ZFP91: variants seen among roughly 807,000 people sequenced by gnomAD.
ZFP91 encodes the protein E3 ubiquitin-protein ligase ZFP91.
Under a neutral mutation model 63.5 loss-of-function variants are expected in ZFP91, and 7 were observed. The ratio of observed to expected loss-of-function variants is 0.11; its 90% CI spans 0.06 to 0.21. The LOEUF is 0.21. ZFP91 is among the 10% of genes least tolerant of loss of function. The pLI, the probability that ZFP91 is intolerant of heterozygous loss-of-function variation, is 1.00. For synonymous variants in ZFP91, 330 were observed against 272.1 expected, an observed-to-expected ratio of 1.21 and a Z score of -2.10; for missense variants, 628 against 736.6, an observed-to-expected ratio of 0.85 and a Z score of 1.71.
intron 2 of ZFP91, among the ~76,000 whole-genome samples, chr11:58,596,676 C>T (rs1421477448): frequency 6.7e-6 from 1 of 150,150 alleles, no homozygotes; most frequent in East Asian, 1.9e-4. Context: ...TTTTTAAAGG[C>T]TTCACCATCA....
intron 2 of ZFP91, among the ~76,000 whole-genome samples, chr11:58,592,675 A>G (rs1855328076): frequency 6.6e-6 from 1 of 152,188 alleles, no homozygotes; most frequent in Admixed American, 6.6e-5. Flanking sequence ...AGGTGGAATG[A>G]GAAAAGGGGA....
chr11:58,603,178 T>G (rs1855518749), intron 2 of ZFP91, among the ~76,000 whole-genome samples: 1 of 152,182 alleles, frequency 6.6e-6, no homozygotes, highest in Non-Finnish European at 1.5e-5. Flanking sequence ...AGCAATGAAC[T>G]TGGATATTTA....
At position 58,616,978 on chromosome 11, in the gene ZFP91, C is replaced by T. The variant is rs535008519; in HGVS notation, c.1202+163C>T. Among the ~76,000 whole-genome samples, 5 of 151,920 alleles carry T rather than the reference C, an allele frequency of 3.3e-5. No individual in the cohort carries two copies. The East Asian group carries it at 9.7e-4, about 29-fold the overall frequency. On this transcript the variant is annotated intron_variant, in intron 10 of 10. Transcript: ENST00000316059. ...TAGTTAGTAGCCTTTTTCTTAGTTTCCCTCTGTTTTTCAGGCAAACAGAAG... is the reference window on the plus strand; with the variant it reads ...TAGTTAGTAGCCTTTTTCTTAGTTTTCCTCTGTTTTTCAGGCAAACAGAAG...
chr11:58,598,593 G>A (rs1194727198), intron 2 of ZFP91, among the ~76,000 whole-genome samples: 1 of 151,968 alleles, frequency 6.6e-6, no homozygotes, highest in Non-Finnish European at 1.5e-5. Context: ...CTCAAGGTTA[G>A]CTGCTATTAT....
At chr11:58,590,000 G>A (rs1855277785) in intron 2 of ZFP91, among the ~76,000 whole-genome samples, 1 of 152,138 alleles carries the variant, frequency 6.6e-6, no homozygotes, top group Admixed American at 6.5e-5. Context: ...ACAGTTATAA[G>A]TTTATTCTGC....
At position 58,584,962 on chromosome 11, in the gene ZFP91, A is replaced by G. The variant is rs981274914; in HGVS notation, c.370+78A>G. ...ATCTGTTAGAAAGCCTCATCATTCAAATTGGTTCCCATTTAAAAGGAATTT... is the reference window on the plus strand; with the variant it reads ...ATCTGTTAGAAAGCCTCATCATTCAGATTGGTTCCCATTTAAAAGGAATTT... On this transcript the variant is annotated intron_variant, in intron 2 of 10. Transcript: ENST00000316059. The G allele has an allele frequency of 5.0e-6, 6 of 1,196,004 alleles. No individual in the cohort carries two copies. In the Admixed American group the frequency reaches 1.3e-4, roughly 26 times the overall value. 74.1% of individuals were successfully genotyped at this position (1,196,004 alleles called of 1,614,324 possible).
chr11:58,584,104 G>A (rs2134388400), intron 1 of ZFP91, among the ~76,000 whole-genome samples: 1 of 152,028 alleles, frequency 6.6e-6, no homozygotes, highest in Non-Finnish European at 1.5e-5. Context: ...GATTTTTGTT[G>A]TTTTGGGGGT....
chr11:58,616,796 A>G lies in ZFP91; in HGVS notation c.1183A>G (p.Thr395Ala). The change falls in exon 10 of 11, where the codon ACT becomes GCT. Residue 395 changes from threonine (T) to alanine (A), a missense_variant. Thr to Ala is a moderately conservative substitution (Grantham distance 58). Around this residue, in one of 3 missense-constraint regions of ZFP91, gnomAD observed 76 missense variants for 230.9 expected, o/e 0.33. Transcript: ENST00000316059. ...HNLAVHRMIH[T>A]GEKPLQCEIC... ...TCTGGCAGTGCACCGGATGATTCAC[A>G]CTGGCGAGAAGCCATTACAGTGAGT... 1 of 1,613,856 alleles carries G rather than the reference A, an allele frequency of 6.2e-7. No homozygotes were observed. Among genetic ancestry groups the G allele is most frequent in the Non-Finnish European group, 8.5e-7 (1 of 1,179,854 alleles).
At chr11:58,580,224 T>C (rs1238721797) in intron 1 of ZFP91, among the ~76,000 whole-genome samples, 1 of 152,180 alleles carries the variant, frequency 6.6e-6, no homozygotes, top group Non-Finnish European at 1.5e-5. Flanking sequence ...TATAAAATTA[T>C]ATGAGCATTC....
Position 58,617,471 on chromosome 11 carries a change from CTCT to C in ZFP91, c.1484_1486del (p.Leu495del). 1.2e-6 allele frequency: 2 copies of C among 1,614,146 alleles called. No homozygotes were observed. Among genetic ancestry groups the C allele is most frequent in the Non-Finnish European group, 1.7e-6 (2 of 1,179,994 alleles). On this transcript the variant is annotated inframe_deletion, in exon 11 of 11. Transcript: ENST00000316059. This position sits in a 1 kb window ranked among gnomAD's most constrained non-coding sequence, Gnocchi z 4.2. ...CAGCCTTCAGATGGTCAGGGTCTTC[CTCT>C]TCTTCCTGAGCCCTTGGGAAACTCA...
intron 5 of ZFP91, 72 bp downstream of exon 5, chr11:58,611,126 T>G (rs1855654528): frequency 7.2e-7 from 1 of 1,383,048 alleles, no homozygotes; most frequent in East Asian, 2.3e-5. Flanking sequence ...TGCTTTTATT[T>G]TATCTGTTGC....
rs1855831319 is a variant in ZFP91, at chr11:58,620,526, T to G, written c.*2820T>G. ...TCTTTGTGGTTGCCCAAGGTTGTTT[T>G]GCGTAACTGAGACTCCTTGATATGC... On this transcript the variant is annotated 3_prime_UTR_variant, in exon 11 of 11. Transcript: ENST00000316059. 2 of 152,658 alleles carry G rather than the reference T, an allele frequency of 1.3e-5. No individual in the cohort carries two copies. The allele number at this position is 152,658 out of a possible 1,614,324, so 9.5% of individuals were successfully genotyped here. A position where few individuals can be genotyped will look rare whatever the true frequency, so the allele number is the denominator to read the frequency against.
Position 58,592,568 on chromosome 11 carries a change from C to T in ZFP91, c.370+7684C>T, listed in dbSNP as rs568907434. ...AGAGGACATTATGCTAAGTAAAATG[C>T]GCCAAGCACAGAAGGATAACACTGT... is the stretch of plus-strand genomic sequence containing the variant. On this transcript the variant is annotated intron_variant, in intron 2 of 10. Transcript: ENST00000316059. 9.2e-5 allele frequency among the ~76,000 whole-genome samples: 14 copies of T among 152,218 alleles called. No individual in the cohort carries two copies. The South Asian group carries it at 1.9e-3, about 20-fold the overall frequency.
At chr11:58,613,284 T>C (rs1384049457) in intron 8 of ZFP91, among the ~76,000 whole-genome samples, 1 of 152,174 alleles carries the variant, frequency 6.6e-6, no homozygotes, top group Non-Finnish European at 1.5e-5. Flanking sequence ...CAGCCCATGG[T>C]GGAAGGGCAA....
intron 2 of ZFP91, among the ~76,000 whole-genome samples, chr11:58,605,195 G>A (rs776387970): frequency 6.6e-6 from 1 of 152,060 alleles, no homozygotes; most frequent in Non-Finnish European, 1.5e-5. Context: ...TCTCTGCTCT[G>A]TACTATTCTG....
chr11:58,580,981 T>A (rs968241085), intron 1 of ZFP91, among the ~76,000 whole-genome samples: 3 of 152,218 alleles, frequency 2.0e-5, no homozygotes, highest in Admixed American at 2.0e-4. Flanking sequence ...TGACCTCATT[T>A]GGATATGAAT....
intron 2 of ZFP91, among the ~76,000 whole-genome samples, chr11:58,602,828 AG>A: frequency 6.6e-6 from 1 of 152,214 alleles, no homozygotes; most frequent in East Asian, 1.9e-4. Flanking sequence ...ATTGGCTTTG[AG>A]TATTTTGAGG....
intron 2 of ZFP91, among the ~76,000 whole-genome samples, chr11:58,606,721 G>A (rs915809335): frequency 2.6e-5 from 4 of 151,900 alleles, no homozygotes; most frequent in African/African-American, 9.7e-5. Flanking sequence ...GGTCTCTGTG[G>A]TCTCTAAAGG....
In ZFP91 at chr11:58,584,956, C is replaced by T. The variant is rs1855180618; in HGVS notation, c.370+72C>T. 4 of 1,227,468 alleles carry T rather than the reference C, an allele frequency of 3.3e-6. No individual in the cohort carries two copies. The Admixed American group carries it at 9.6e-5, about 29-fold the overall frequency. 76.0% of individuals were successfully genotyped at this position (1,227,468 alleles called of 1,614,324 possible). The stretch of plus-strand genomic sequence containing the variant: ...CTTTTAATCTGTTAGAAAGCCTCAT[C>T]ATTCAAATTGGTTCCCATTTAAAAG... On this transcript the variant is annotated intron_variant, in intron 2 of 10. Transcript: ENST00000316059.
Sources: gnomAD v4.1 joint callset for allele counts (sites outside exome capture counted in the v4.1 genomes callset) on GRCh38, gnomAD v4.1.1 for gene constraint, gnomAD v4.1.1 regional missense constraint, Gnocchi (gnomAD v3.1) non-coding constraint, MANE v1.5 for transcripts, NCBI Gene and HGNC (gene_info 2026-07-23, HGNC 2026-07-21) for gene names.